The following CTDSPL variants were observed in gnomAD, a reference collection of about 807,000 sequenced individuals.
The protein encoded by CTDSPL is CTD small phosphatase like.
Under a neutral mutation model 30.5 loss-of-function variants are expected in CTDSPL, and 8 were observed. The ratio of observed to expected loss-of-function variants is 0.26; its 90% CI spans 0.15 to 0.47. The LOEUF (loss-of-function observed/expected upper bound fraction) is 0.47, where lower values mean the gene tolerates loss of function less well. CTDSPL is among the 20% of genes least tolerant of loss of function. The pLI, the probability that CTDSPL is intolerant of heterozygous loss-of-function variation, is 0.99. For missense variants in CTDSPL, 248 were observed against 366.1 expected, an observed-to-expected ratio of 0.68 and a Z score of 2.63; for synonymous variants, 110 against 137.9, an observed-to-expected ratio of 0.80 and a Z score of 1.42.
At chr3:37,899,276 G>A (rs1698422880) in intron 1 of CTDSPL, among the ~76,000 whole-genome samples, 1 of 152,174 alleles carries the variant, frequency 6.6e-6, no homozygotes, top group Non-Finnish European at 1.5e-5. Context: ...CATTCCTGAG[G>A]AATGCCATCT....
intron 1 of CTDSPL, among the ~76,000 whole-genome samples, chr3:37,946,413 T>A (rs1699039230): frequency 6.6e-6 from 1 of 152,176 alleles, no homozygotes; most frequent in South Asian, 2.1e-4. Context: ...ATCCAACATC[T>A]CCTGCTGTTT....
intron 1 of CTDSPL, among the ~76,000 whole-genome samples, chr3:37,935,313 A>C (rs9823784): frequency 0.028 from 4,217 of 151,496 alleles, 188 homozygotes; most frequent in African/African-American, 0.096. Flanking sequence ...ATTTCTATTC[A>C]TTTAATAGGT....
At chr3:37,957,617 T>G (rs1699188975) in intron 3 of CTDSPL, among the ~76,000 whole-genome samples, 1 of 152,214 alleles carries the variant, frequency 6.6e-6, no homozygotes, top group Admixed American at 6.5e-5. Context: ...AGCATGGCTG[T>G]AGCTCCGAGA....
chr3:37,894,542 C>T (rs1201548641), intron 1 of CTDSPL, among the ~76,000 whole-genome samples: 1 of 152,116 alleles, frequency 6.6e-6, no homozygotes, highest in African/African-American at 2.4e-5. Context: ...AGATTTTCTA[C>T]TCTTTATCTT....
At chr3:37,980,056 T>C (rs987522870) in intron 7 of CTDSPL, among the ~76,000 whole-genome samples, 3 of 152,216 alleles carry the variant, frequency 2.0e-5, no homozygotes, top group African/African-American at 7.2e-5. Flanking sequence ...TCTTTAGATT[T>C]GTAAAAGGGC....
intron 1 of CTDSPL, among the ~76,000 whole-genome samples, chr3:37,875,895 T>C (rs969437886): frequency 6.6e-6 from 1 of 152,242 alleles, no homozygotes; most frequent in Admixed American, 6.5e-5. Context: ...TACTCTGTAG[T>C]AGACCTTGTA....
At chr3:37,926,912 A>G (rs374362241) in intron 1 of CTDSPL, among the ~76,000 whole-genome samples, 1 of 152,220 alleles carries the variant, frequency 6.6e-6, no homozygotes, top group African/African-American at 2.4e-5. Context: ...GCAGAAAACT[A>G]TAAGCTTTGC....
In CTDSPL at chr3:37,914,829, G is replaced by T. The variant is rs1442566893; in HGVS notation, c.80-32228G>T. 5.4e-5 allele frequency among the ~76,000 whole-genome samples: 6 copies of T among 110,912 alleles called. No individual in the cohort carries two copies. In the East Asian group the frequency reaches 7.8e-4, roughly 14 times the overall value. The allele number at this position is 110,912 out of a possible 152,430, so 72.8% of individuals were successfully genotyped here. ...CAAAATGAGTTGGGAAGTGTTTTTT[G>T]TTGTTGTTGTTTTCTGGAAGAGTTT... is the stretch of plus-strand genomic sequence containing the variant. On this transcript the variant is annotated intron_variant, in intron 1 of 7. Transcript: ENST00000273179.
intron 1 of CTDSPL, among the ~76,000 whole-genome samples, chr3:37,924,472 G>A (rs1195818642): frequency 2.6e-5 from 4 of 152,162 alleles, no homozygotes; most frequent in Admixed American, 2.6e-4. Context: ...TCCAACAATG[G>A]TGTACAAGAG....
chr3:37,863,490 T>C (rs1428028805), intron 1 of CTDSPL, among the ~76,000 whole-genome samples: 1 of 152,226 alleles, frequency 6.6e-6, no homozygotes, highest in Non-Finnish European at 1.5e-5. Flanking sequence ...ATCTGGCTTC[T>C]TTTGTTCTGG....
At chr3:37,875,898 A>T (rs1698129625) in intron 1 of CTDSPL, among the ~76,000 whole-genome samples, 2 of 152,178 alleles carry the variant, frequency 1.3e-5, no homozygotes, top group Non-Finnish European at 2.9e-5. Context: ...TCTGTAGTAG[A>T]CCTTGTATCA....
At chr3:37,974,442 C>G (rs1216381519) in intron 6 of CTDSPL, among the ~76,000 whole-genome samples, 1 of 152,230 alleles carries the variant, frequency 6.6e-6, no homozygotes, top group Non-Finnish European at 1.5e-5. Flanking sequence ...CTCTGCCTCC[C>G]TGGCAGAGTC....
intron 6 of CTDSPL, among the ~76,000 whole-genome samples, chr3:37,972,324 C>T (rs570429394): frequency 2.6e-5 from 4 of 152,152 alleles, no homozygotes; most frequent in Middle Eastern, 3.4e-3. Context: ...TGGTGAAATC[C>T]CGTCTCAAAA....
At chr3:37,879,578 C>T (rs982419206) in intron 1 of CTDSPL, among the ~76,000 whole-genome samples, 2 of 152,218 alleles carry the variant, frequency 1.3e-5, no homozygotes, top group Non-Finnish European at 2.9e-5. Context: ...GTACACTGTA[C>T]ATATACTGGT....
At chr3:37,922,522 A>G (rs1575299918) in intron 1 of CTDSPL, among the ~76,000 whole-genome samples, 1 of 152,222 alleles carries the variant, frequency 6.6e-6, no homozygotes, top group African/African-American at 2.4e-5. Context: ...GCTCCACTCC[A>G]TGGGGAGATT....
intron 2 of CTDSPL, among the ~76,000 whole-genome samples, chr3:37,949,110 G>A (rs752450907): frequency 5.9e-5 from 9 of 152,098 alleles, no homozygotes; most frequent in Admixed American, 2.6e-4. Flanking sequence ...GTGAGCCACC[G>A]CGCCCGGCCA....
At chr3:37,940,910 G>A (rs1366022664) in intron 1 of CTDSPL, among the ~76,000 whole-genome samples, 2 of 150,430 alleles carry the variant, frequency 1.3e-5, no homozygotes, top group Non-Finnish European at 3.0e-5. Context: ...AGAAGACCAG[G>A]GAAGCATTTG....
At chr3:37,960,706 G>A (rs1463367270) in intron 3 of CTDSPL, among the ~76,000 whole-genome samples, 6 of 151,132 alleles carry the variant, frequency 4.0e-5, no homozygotes, top group African/African-American at 7.3e-5. Context: ...CTCCAGCCTG[G>A]GCTACAGAGC....
At chr3:37,917,339 T>C (rs1698661126) in intron 1 of CTDSPL, among the ~76,000 whole-genome samples, 1 of 152,234 alleles carries the variant, frequency 6.6e-6, no homozygotes. Context: ...ATAATCTTGC[T>C]AATGTAAAGT....
Sources: gnomAD v4.1 joint callset for allele counts (sites outside exome capture counted in the v4.1 genomes callset) on GRCh38, gnomAD v4.1.1 for gene constraint, MANE v1.5 for transcripts, NCBI Gene and HGNC (gene_info 2026-07-23, HGNC 2026-07-21) for gene names.